The following PCNX2 variants were observed in gnomAD, a reference collection of about 807,000 sequenced individuals.
PCNX2 encodes pecanex 2, also known as pecanex-like protein 2.
In PCNX2, 168 loss-of-function variants were observed where a neutral mutation model predicts 223.8. The ratio of observed to expected loss-of-function variants is 0.75; its 90% CI spans 0.66 to 0.85. The LOEUF is 0.85. Ranked by LOEUF, PCNX2 falls within the 40% of genes least tolerant of loss-of-function variation. PCNX2 has a pLI of 0.00. For synonymous variants in PCNX2, 1,006 were observed against 1,052.6 expected, an observed-to-expected ratio of 0.96 and a Z score of 0.86; for missense variants, 2,507 against 2,675.5, an observed-to-expected ratio of 0.94 and a Z score of 1.39.
intron 17 of PCNX2, among the ~76,000 whole-genome samples, chr1:233,163,768 T>TA (rs1230116696): frequency 6.6e-6 from 1 of 152,058 alleles, no homozygotes; most frequent in Non-Finnish European, 1.5e-5. Flanking sequence ...TTTCATTTTC[T>TA]AGAATGTTAT....
Position 233,001,109 on chromosome 1 carries a change from C to T in PCNX2, c.5097+428G>A, listed in dbSNP as rs540771500. Among the ~76,000 whole-genome samples, 7 of 152,244 alleles carry T rather than the reference C, an allele frequency of 4.6e-5. No individual in the cohort carries two copies. Among genetic ancestry groups the T allele is most frequent in the South Asian group, 4.1e-4 (2 of 4,828 alleles). ...AGTGCAGTGGCGCAATCATAGATCA[C>T]TGCAGCCTGAAACTCCCGGGCTCAA... is the stretch of plus-strand genomic sequence containing the variant. On this transcript the variant is annotated intron_variant, in intron 29 of 33. Transcript: ENST00000258229. This position sits in a 1 kb window ranked among gnomAD's most constrained non-coding sequence, Gnocchi z 4.2.
At chr1:233,059,757 C>T (rs1463467104) in intron 23 of PCNX2, among the ~76,000 whole-genome samples, 14 of 152,140 alleles carry the variant, frequency 9.2e-5, no homozygotes, top group Non-Finnish European at 1.8e-4. Context: ...ACAAGACTAG[C>T]TGCCAGTCAA....
intron 23 of PCNX2, among the ~76,000 whole-genome samples, chr1:233,080,812 C>T (rs1331634530): frequency 6.6e-6 from 1 of 152,188 alleles, no homozygotes; most frequent in Non-Finnish European, 1.5e-5. Context: ...CAGTCCACTG[C>T]AATCCTCAAA....
rs1414215051 is a variant in PCNX2, at chr1:233,258,522, T to G, written c.1340A>C (p.Glu447Ala). 2 of 1,613,948 alleles carry G rather than the reference T, an allele frequency of 1.2e-6. No homozygotes were observed. The highest frequency in any genetic ancestry group is 4.5e-5 in the East Asian group (2 of 44,872). Residue 447 changes from glutamate to alanine, a missense_variant, in exon 5 of 34, where the codon GAA (glutamate) becomes GCA (alanine). By Grantham distance (107) the Glu-to-Ala change is moderately radical. Coordinates refer to ENST00000258229, the MANE Select transcript of PCNX2 (RefSeq NM_014801.4). ...EGGGGGVPCP[E>A]GNGSERTPER... ...TGGAGTCCTTTCACTTCCATTGCCT[T>G]CGGGACAGGGAACACCTCCTCCCCC... is the stretch of plus-strand genomic sequence containing the variant.
rs1420323080 is a variant in PCNX2 at position 232,984,261 on chromosome 1, G to T, written c.*43C>A. 1.3e-6 allele frequency: 2 copies of T among 1,527,104 alleles called. No individual in the cohort carries two copies. The highest frequency in any genetic ancestry group is 4.8e-5 in the East Asian group (2 of 42,040). 94.6% of individuals were successfully genotyped at this position (1,527,104 alleles called of 1,614,324 possible). A position where few individuals can be genotyped will look rare whatever the true frequency, so the allele number is the denominator to read the frequency against. On this transcript the variant is annotated 3_prime_UTR_variant, in exon 34 of 34. Transcript: ENST00000258229. ...AGCACGAGGGAGAGCAATGCAGGTG[G>T]GAGGTGTGGGGGAGCCAGCCTCCCC...
chr1:233,176,055 C>T (rs1679457693), intron 17 of PCNX2, among the ~76,000 whole-genome samples: 1 of 152,206 alleles, frequency 6.6e-6, no homozygotes, highest in Non-Finnish European at 1.5e-5. Context: ...AAATGAGACA[C>T]AGTCCTGGCT....
chr1:233,241,488 G>A (rs756818780), intron 8 of PCNX2: 10 of 715,726 alleles, frequency 1.4e-5, no homozygotes, highest in Non-Finnish European at 1.5e-5. Flanking sequence ...GGAGCAAAGA[G>A]TAAAAAGTGA....
At chr1:233,177,110 T>C (rs1245806841) in intron 17 of PCNX2, among the ~76,000 whole-genome samples, 10 of 152,238 alleles carry the variant, frequency 6.6e-5, no homozygotes, top group Non-Finnish European at 1.3e-4. Flanking sequence ...AAATAGTAAC[T>C]TCTCTTAGAA....
At position 233,252,397 on chromosome 1, in the gene PCNX2, T is replaced by G. The variant is rs1353513401; in HGVS notation, c.2085A>C (p.Glu695Asp). 1 of 1,613,612 alleles carries G rather than the reference T, an allele frequency of 6.2e-7. No individual in the cohort carries two copies. The highest frequency in any genetic ancestry group is 2.2e-5 in the East Asian group (1 of 44,886). Reference sequence around the variant, plus strand: ...CATGCATAGCATCCACAGATATCTCTTCTTGTACAGATGTTTCAGGCCCAC... The same window carrying G: ...CATGCATAGCATCCACAGATATCTCGTCTTGTACAGATGTTTCAGGCCCAC... The part of the protein sequence containing the change: ...VISGPETSVQ[E>D]EISVDAMHVF... Residue 695 changes from glutamate (E) to aspartate (D), a missense_variant, in exon 7 of 34, where the codon GAA becomes GAC. Glu to Asp is a conservative substitution (Grantham distance 45). This residue lies in a region of PCNX2 where 1,031 missense variants were observed against 1,021.7 expected (regional missense o/e 1.01). Coordinates refer to ENST00000258229, the MANE Select transcript of PCNX2 (RefSeq NM_014801.4).
intron 28 of PCNX2, among the ~76,000 whole-genome samples, chr1:233,012,671 G>T (rs77853948): frequency 0.043 from 6,580 of 152,050 alleles, 458 homozygotes; most frequent in African/African-American, 0.15. Context: ...GGTAAGCATG[G>T]TGTTTAATTA....
At chr1:233,257,241 C>G (rs570886257) in intron 5 of PCNX2, among the ~76,000 whole-genome samples, 2 of 133,442 alleles carry the variant, frequency 1.5e-5, no homozygotes, top group South Asian at 4.7e-4. Flanking sequence ...ATCTCAGTTC[C>G]AGCACCTCCT....
At chr1:233,017,448 G>A (rs1670719288) in intron 26 of PCNX2, among the ~76,000 whole-genome samples, 1 of 151,432 alleles carries the variant, frequency 6.6e-6, no homozygotes, top group East Asian at 2.0e-4. Context: ...CTCCCAAGTA[G>A]CTGGGACTAC....
chr1:233,285,072 G>A (rs2103023284), intron 1 of PCNX2: 1 of 944,952 alleles, frequency 1.1e-6, no homozygotes, highest in African/African-American at 1.8e-5. Context: ...AAAAAATAGG[G>A]CCGGGTGCAG....
intron 15 of PCNX2, among the ~76,000 whole-genome samples, chr1:233,187,128 C>T (rs920387513): frequency 6.6e-6 from 1 of 152,212 alleles, no homozygotes; most frequent in African/African-American, 2.4e-5. Context: ...AGCTCCCATG[C>T]ATTCGGCAGC....
chr1:233,007,134 G>A (rs1398380485), intron 28 of PCNX2, among the ~76,000 whole-genome samples: 1 of 151,736 alleles, frequency 6.6e-6, no homozygotes, highest in East Asian at 1.9e-4. Flanking sequence ...GAAGGCTGAT[G>A]TGGGGAGTTC....
chr1:233,137,750 G>C (rs138984255), intron 20 of PCNX2, among the ~76,000 whole-genome samples: 5 of 152,278 alleles, frequency 3.3e-5, no homozygotes, highest in African/African-American at 1.2e-4. Context: ...GGAACAGATG[G>C]AGAGCATCCT....
intron 15 of PCNX2, among the ~76,000 whole-genome samples, chr1:233,194,880 G>T (rs1680631395): frequency 6.6e-6 from 1 of 151,938 alleles, no homozygotes; most frequent in East Asian, 1.9e-4. Flanking sequence ...AACTGGGCGT[G>T]GTGGTGGGCT....
chr1:233,170,601 T>A (rs1190619295), intron 17 of PCNX2, among the ~76,000 whole-genome samples: 1 of 152,336 alleles, frequency 6.6e-6, no homozygotes, highest in Admixed American at 6.5e-5. Flanking sequence ...TTAATTTGAA[T>A]CTTTTGTGTT....
chr1:233,046,886 A>G (rs1309207381), intron 25 of PCNX2, among the ~76,000 whole-genome samples: 1 of 152,204 alleles, frequency 6.6e-6, no homozygotes, highest in Non-Finnish European at 1.5e-5. Context: ...TATCACCAGA[A>G]TCTGAGCTGT....
Sources: allele counts gnomAD v4.1 joint callset (sites outside exome capture counted in the v4.1 genomes callset), GRCh38; gene constraint gnomAD v4.1.1; regional missense constraint gnomAD v4.1.1; non-coding constraint Gnocchi (gnomAD v3.1); transcripts MANE v1.5; gene names NCBI Gene and HGNC (gene_info 2026-07-23, HGNC 2026-07-21).